The following CYRIB variants were observed in gnomAD, a reference collection of about 807,000 sequenced individuals.
CYRIB encodes the protein CYFIP-related Rac1 interactor B.
CYRIB carries 8 observed loss-of-function variants against 44.2 expected under a neutral mutation model. That is an observed-to-expected ratio of 0.18 (90% CI 0.11 to 0.33). The LOEUF (loss-of-function observed/expected upper bound fraction) is 0.33, where lower values mean the gene tolerates loss of function less well. CYRIB is among the 10% of genes least tolerant of loss of function. CYRIB has a pLI of 1.00. For synonymous variants in CYRIB, 131 were observed against 127.2 expected (o/e 1.03, Z -0.20); for missense variants, 185 against 382.8 (o/e 0.48, Z 4.31).
At chr8:129,902,276 T>C (rs1264302821) in intron 2 of CYRIB, among the ~76,000 whole-genome samples, 1 of 152,158 alleles carries the variant, frequency 6.6e-6, no homozygotes, top group Non-Finnish European at 1.5e-5. Context: ...CTGGAGTGCA[T>C]GGCGTGATCT....
At chr8:129,888,159 T>C (rs896987162) in intron 2 of CYRIB, among the ~76,000 whole-genome samples, 2 of 152,156 alleles carry the variant, frequency 1.3e-5, no homozygotes, top group Non-Finnish European at 2.9e-5. Flanking sequence ...GACTTCCCCC[T>C]TGCTGCTGTT....
At chr8:129,929,618 A>G (rs1439723849) in intron 1 of CYRIB, among the ~76,000 whole-genome samples, 1 of 152,248 alleles carries the variant, frequency 6.6e-6, no homozygotes, top group Non-Finnish European at 1.5e-5. Context: ...TGCCAAAGCC[A>G]AAAACCAGTG....
At chr8:129,925,097 A>G (rs963688962) in intron 1 of CYRIB, among the ~76,000 whole-genome samples, 1 of 152,078 alleles carries the variant, frequency 6.6e-6, no homozygotes. Context: ...AGACACTTTC[A>G]TGACTCAAAA....
At chr8:129,952,419 T>C (rs1483776646) in intron 2 of CYRIB, among the ~76,000 whole-genome samples, 1 of 152,130 alleles carries the variant, frequency 6.6e-6, no homozygotes, top group Non-Finnish European at 1.5e-5. Flanking sequence ...AATAAATACG[T>C]AATAAAGTTA....
At chr8:129,978,446 T>C (rs575359704) in intron 1 of CYRIB, among the ~76,000 whole-genome samples, 2 of 152,240 alleles carry the variant, frequency 1.3e-5, no homozygotes, top group South Asian at 2.1e-4. Flanking sequence ...CCGTAACAGA[T>C]TTAGAGAGAA....
chr8:130,012,757 AAGG>A (rs769959336), intron 1 of CYRIB, among the ~76,000 whole-genome samples: 2 of 152,300 alleles, frequency 1.3e-5, no homozygotes, highest in South Asian at 2.1e-4. Flanking sequence ...AGAAAGAGAA[AAGG>A]AGGAGAGGAA....
chr8:129,888,585 C>T (rs900018944), intron 2 of CYRIB, among the ~76,000 whole-genome samples: 3 of 152,258 alleles, frequency 2.0e-5, no homozygotes, highest in South Asian at 2.1e-4. Context: ...TACCTACCCA[C>T]CTATAAATGC....
chr8:129,915,923 T>C (rs570851387), intron 1 of CYRIB, among the ~76,000 whole-genome samples: 1 of 152,216 alleles, frequency 6.6e-6, no homozygotes, highest in Non-Finnish European at 1.5e-5. Context: ...TTCGTATTTA[T>C]ATTTTAACTT....
intron 2 of CYRIB, among the ~76,000 whole-genome samples, chr8:129,959,761 A>C (rs2095127810): frequency 6.6e-6 from 1 of 152,210 alleles, no homozygotes; most frequent in Admixed American, 6.5e-5. Flanking sequence ...CTCCAATTCC[A>C]AGGGCAGGTC....
At chr8:129,977,404 G>A (rs1027354318) in intron 1 of CYRIB, among the ~76,000 whole-genome samples, 3 of 152,072 alleles carry the variant, frequency 2.0e-5, no homozygotes, top group Admixed American at 6.6e-5. Context: ...AACTGGACTC[G>A]ACACCCAGCC....
intron 2 of CYRIB, among the ~76,000 whole-genome samples, chr8:129,967,331 T>C (rs1232530891): frequency 6.6e-6 from 1 of 152,052 alleles, no homozygotes; most frequent in Non-Finnish European, 1.5e-5. Context: ...TTCTTTTCTT[T>C]CTTCTTTTTC....
intron 4 of CYRIB, chr8:129,864,794 G>T: frequency 2.3e-6 from 1 of 437,852 alleles, no homozygotes; most frequent in Admixed American, 2.5e-5. Context: ...CTGTGGGGCC[G>T]CGTCCTGAAT....
At chr8:129,849,027 T>C (rs1367919475) in intron 10 of CYRIB, among the ~76,000 whole-genome samples, 7 of 152,208 alleles carry the variant, frequency 4.6e-5, no homozygotes, top group African/African-American at 1.7e-4. Flanking sequence ...AGGTACTCAC[T>C]AGACAATATA....
At chr8:129,877,663 G>GGTGTGTGTGTGT (rs5895011) in intron 3 of CYRIB, among the ~76,000 whole-genome samples, 14 of 130,682 alleles carry the variant, frequency 1.1e-4, no homozygotes, top group African/African-American at 2.9e-4. Flanking sequence ...AAAAAAAAAA[G>GGTGTGTGTGTGT]GTGTGTGTGT....
chr8:129,899,621 G>T (rs1484452528), intron 2 of CYRIB, among the ~76,000 whole-genome samples: 2 of 152,152 alleles, frequency 1.3e-5, no homozygotes, highest in Non-Finnish European at 2.9e-5. Context: ...ACAAAGAAAA[G>T]ATGTTTATTT....
intron 3 of CYRIB, among the ~76,000 whole-genome samples, chr8:129,875,143 A>G (rs2058669908): frequency 6.6e-6 from 1 of 152,222 alleles, no homozygotes; most frequent in Non-Finnish European, 1.5e-5. Context: ...GAATTTAGTG[A>G]GCTAGCAGTT....
intron 1 of CYRIB, among the ~76,000 whole-genome samples, chr8:130,005,673 T>G (rs1426619551): frequency 1.3e-5 from 2 of 152,160 alleles, no homozygotes; most frequent in African/African-American, 4.8e-5. Context: ...AGATGCTTCC[T>G]CTTTCACAGC....
At chr8:130,013,192 G>A (rs999218191) in intron 1 of CYRIB, among the ~76,000 whole-genome samples, 1 of 152,202 alleles carries the variant, frequency 6.6e-6, no homozygotes, top group Non-Finnish European at 1.5e-5. Context: ...GGTGTGCAAT[G>A]GGAACAGGGG....
At chr8:129,866,618 A>C (rs1056708884) in intron 4 of CYRIB, among the ~76,000 whole-genome samples, 1 of 152,248 alleles carries the variant, frequency 6.6e-6, no homozygotes, top group Admixed American at 6.5e-5. Flanking sequence ...AATAGACAAA[A>C]GTTAAAATTT....
Sources: gnomAD v4.1 joint callset for allele counts (sites outside exome capture counted in the v4.1 genomes callset) on GRCh38, gnomAD v4.1.1 for gene constraint, MANE v1.5 for transcripts, NCBI Gene and HGNC (gene_info 2026-07-23, HGNC 2026-07-21) for gene names.